Variants in ATXN7L1 observed in about 807,000 individuals in gnomAD.
The protein encoded by ATXN7L1 is ataxin-7-like protein 1.
ATXN7L1 carries 15 observed loss-of-function variants against 70.8 expected under a neutral mutation model. That is an observed-to-expected ratio of 0.21 (90% CI 0.14 to 0.33). The LOEUF (loss-of-function observed/expected upper bound fraction) is 0.33, where lower values mean the gene tolerates loss of function less well. Among genes scored for constraint, ATXN7L1 ranks in the 10% least tolerant of loss-of-function variants. The probability of loss-of-function intolerance (pLI) is 1.00; values close to 1 mark genes in which losing one functional copy is unlikely to be tolerated. For missense variants in ATXN7L1, 975 were observed against 1,097.1 expected, an observed-to-expected ratio of 0.89 and a Z score of 1.57; for synonymous variants, 440 against 445.1, an observed-to-expected ratio of 0.99 and a Z score of 0.14.
At chr7:105,869,088 T>G (rs766499129) in intron 2 of ATXN7L1, among the ~76,000 whole-genome samples, 43 of 152,236 alleles carry the variant, frequency 2.8e-4, no homozygotes, top group Non-Finnish European at 4.9e-4. Context: ...GCTCCATCAG[T>G]GGGCTGCACC....
At chr7:105,730,233 T>C (rs1262662987) in intron 3 of ATXN7L1, among the ~76,000 whole-genome samples, 1 of 152,186 alleles carries the variant, frequency 6.6e-6, no homozygotes, top group Non-Finnish European at 1.5e-5. Flanking sequence ...TGAGAGTACA[T>C]TACCCTTGAT....
chr7:105,651,304 T>C (rs1041575252), intron 4 of ATXN7L1, among the ~76,000 whole-genome samples: 16 of 152,160 alleles, frequency 1.1e-4, no homozygotes, highest in Non-Finnish European at 1.6e-4. Flanking sequence ...TTAAATGAGG[T>C]AGTAGATACC....
rs867557723 is a variant in ATXN7L1, at chr7:105,826,292, C to T, written c.251-37584G>A. ...AACTGGGTTCTGGCTCAATGTCTGT[C>T]ACCAGCCAACTGTGTTTGGTTGAGC... On this transcript the variant is annotated intron_variant, in intron 2 of 11. Transcript: ENST00000419735. Among the ~76,000 whole-genome samples, 22 of 152,320 alleles carry T rather than the reference C, an allele frequency of 1.4e-4. No homozygotes were observed. In the South Asian group the frequency reaches 3.9e-3, roughly 27 times the overall value.
intron 3 of ATXN7L1, among the ~76,000 whole-genome samples, chr7:105,729,955 T>C (rs1353435241): frequency 6.6e-6 from 1 of 152,042 alleles, no homozygotes; most frequent in Admixed American, 6.6e-5. Context: ...GCCAGGATGG[T>C]CTCAATCTCC....
chr7:105,733,533 T>TCCATCCACCCATCCAC (rs1796846559), intron 3 of ATXN7L1, among the ~76,000 whole-genome samples: 1 of 104,132 alleles, frequency 9.6e-6, no homozygotes, highest in African/African-American at 4.7e-5. Context: ...CATCCATCCA[T>TCCATCCACCCATCCAC]CCATCCACCC....
chr7:105,665,317 C>G (rs1464419594), intron 3 of ATXN7L1, 29 bp from the exon 4 acceptor site: 2 of 1,518,464 alleles, frequency 1.3e-6, no homozygotes, highest in Admixed American at 3.9e-5. Context: ...GAGAACTCAG[C>G]ACAGCATCTG....
At chr7:105,791,377 C>T (rs1349626998) in intron 2 of ATXN7L1, among the ~76,000 whole-genome samples, 1 of 152,272 alleles carries the variant, frequency 6.6e-6, no homozygotes, top group East Asian at 1.9e-4. Context: ...TTAGTCAGGG[C>T]CTGGTAGGCA....
At chr7:105,642,710 G>T (rs1562941763) in intron 5 of ATXN7L1, 128 bp downstream of exon 5, 7 of 1,200,724 alleles carry the variant, frequency 5.8e-6, no homozygotes, top group Non-Finnish European at 8.0e-6. Context: ...CTGTTTGCAG[G>T]TAAACTCTGC....
At chr7:105,871,671 T>C (rs212424) in intron 2 of ATXN7L1, among the ~76,000 whole-genome samples, 55,736 of 150,592 alleles carry the variant, frequency 0.37, 11,051 homozygotes, top group Non-Finnish European at 0.45. Flanking sequence ...GATCATGCCA[T>C]TGCACTCCAG....
intron 2 of ATXN7L1, among the ~76,000 whole-genome samples, chr7:105,818,164 A>C (rs946025762): frequency 9.2e-5 from 14 of 152,310 alleles, no homozygotes; most frequent in African/African-American, 3.4e-4. Flanking sequence ...TGTCTTTTCA[A>C]ATTAAAAAAA....
At chr7:105,861,398 A>G (rs1210623257) in intron 2 of ATXN7L1, among the ~76,000 whole-genome samples, 1 of 146,516 alleles carries the variant, frequency 6.8e-6, no homozygotes. Flanking sequence ...GCTATGAGGC[A>G]GGCTAGCTGG....
chr7:105,861,606 G>A (rs1816655644), intron 2 of ATXN7L1, among the ~76,000 whole-genome samples: 1 of 152,044 alleles, frequency 6.6e-6, no homozygotes, highest in Admixed American at 6.6e-5. Context: ...ACCCGGGGGT[G>A]GGATGAGCAC....
At chr7:105,829,312 G>A (rs1365225146) in intron 2 of ATXN7L1, among the ~76,000 whole-genome samples, 2 of 152,070 alleles carry the variant, frequency 1.3e-5, no homozygotes, top group African/African-American at 2.4e-5. Flanking sequence ...GCGTGGCGGC[G>A]TACACCTGTA....
At chr7:105,704,290 G>A (rs1282577530) in intron 3 of ATXN7L1, among the ~76,000 whole-genome samples, 3 of 152,164 alleles carry the variant, frequency 2.0e-5, no homozygotes, top group Non-Finnish European at 2.9e-5. Context: ...CACAGGAAAT[G>A]TGTAATTTAC....
chr7:105,735,480 C>T (rs1056006557), intron 3 of ATXN7L1, among the ~76,000 whole-genome samples: 6 of 152,154 alleles, frequency 3.9e-5, no homozygotes, highest in Non-Finnish European at 7.4e-5. Flanking sequence ...GAGACCTTTG[C>T]GATGAGATCT....
chr7:105,611,547 T>C (rs1290314228), intron 10 of ATXN7L1, among the ~76,000 whole-genome samples: 1 of 152,192 alleles, frequency 6.6e-6, no homozygotes, highest in African/African-American at 2.4e-5. Context: ...AATTTTTGTA[T>C]TTTTAATAGA....
chr7:105,826,868 A>T (rs1269945244), intron 2 of ATXN7L1, among the ~76,000 whole-genome samples: 1 of 152,172 alleles, frequency 6.6e-6, no homozygotes, highest in Non-Finnish European at 1.5e-5. Flanking sequence ...AAATGATGAG[A>T]AAGATAGTAG....
At chr7:105,846,196 C>A (rs1213570685) in intron 2 of ATXN7L1, among the ~76,000 whole-genome samples, 2 of 151,914 alleles carry the variant, frequency 1.3e-5, no homozygotes, top group East Asian at 3.9e-4. Flanking sequence ...ATAAAGAATT[C>A]TTAAAACTTA....
intron 3 of ATXN7L1, among the ~76,000 whole-genome samples, chr7:105,692,745 CTCTT>C (rs759824432): frequency 3.3e-5 from 5 of 151,948 alleles, no homozygotes; most frequent in African/African-American, 1.2e-4. Flanking sequence ...CCGCACCCAG[CTCTT>C]TCTTTTTTAG....
Sources: allele counts gnomAD v4.1 joint callset (sites outside exome capture counted in the v4.1 genomes callset), GRCh38; gene constraint gnomAD v4.1.1; transcripts MANE v1.5; gene names NCBI Gene and HGNC (gene_info 2026-07-23, HGNC 2026-07-21).